Variants in THBS4 observed in about 807,000 individuals in gnomAD.
The protein encoded by THBS4 is thrombospondin 4.
In THBS4, 90 loss-of-function variants were observed where a neutral mutation model predicts 115.7. The observed-to-expected ratio is 0.78, with a 90% CI of 0.66 to 0.93. THBS4 has a LOEUF of 0.93. Ranked by LOEUF, THBS4 falls within the 40% of genes least tolerant of loss-of-function variation. THBS4 has a pLI of 0.00. For synonymous variants in THBS4, 460 were observed against 479.3 expected (o/e 0.96, Z 0.53); for missense variants, 1,087 against 1,232.7 (o/e 0.88, Z 1.77).
chr5:79,999,227 T>A (rs1831852922), intron 2 of THBS4, among the ~76,000 whole-genome samples: 1 of 152,240 alleles, frequency 6.6e-6, no homozygotes. Flanking sequence ...AATTAAGGGC[T>A]ATGGCATAAT....
chr5:80,040,192 T>C lies in THBS4; in HGVS notation c.204T>C (p.Thr68=). The change falls in exon 2 of 22, where the codon ACT becomes ACC. Residue 68 remains threonine (T), a synonymous_variant. Transcript: ENST00000350881. The part of the protein sequence containing the change: ...LYVISTFKLQ[T]KSSATIFGLY... The stretch of plus-strand genomic sequence containing the variant: ...TGATTTCCACCTTCAAGCTGCAGAC[T>C]AAAAGTTCAGCCACCATCTTCGGTC... 6.2e-7 allele frequency: 1 copy of C among 1,614,182 alleles called. No homozygotes were observed. The highest frequency in any genetic ancestry group is 8.5e-7 in the Non-Finnish European group (1 of 1,180,028).
At chr5:80,082,180 C>A (rs1250291976) in intron 20 of THBS4, 6 of 441,812 alleles carry the variant, frequency 1.4e-5, no homozygotes, top group Non-Finnish European at 2.4e-5. Flanking sequence ...CCCCCCACCC[C>A]CCTCCACACA....
Position 80,059,471 on chromosome 5 carries a change from T to A in THBS4, c.764T>A (p.Ile255Lys), listed in dbSNP as rs542080774. The change falls in exon 6 of 22, where the codon ATA becomes AAA. Residue 255 changes from isoleucine (I) to lysine (K), a missense_variant. Around this residue, in one of 3 missense-constraint regions of THBS4, gnomAD observed 979 missense variants for 1,103.7 expected, o/e 0.89. Transcript: ENST00000350881. The stretch of plus-strand genomic sequence containing the variant: ...GAAACATCATTTTTGCGAAACACCA[T>A]AGCTGAATGCCAGGCTTGCGGTAAG... The part of the protein sequence containing the change: ...VKETSFLRNT[I>K]AECQACGPLK... 1 of 1,614,068 alleles carries A rather than the reference T, an allele frequency of 6.2e-7. No homozygotes were observed. Among genetic ancestry groups the A allele is most frequent in the East Asian group, 2.2e-5 (1 of 44,864 alleles).
intron 1 of THBS4, among the ~76,000 whole-genome samples, chr5:79,992,807 G>A (rs1831711355): frequency 6.6e-6 from 1 of 152,208 alleles, no homozygotes. Flanking sequence ...ACACAAAGGA[G>A]GGACAGTGCA....
intron 2 of THBS4, among the ~76,000 whole-genome samples, chr5:80,049,159 T>G (rs796734999): frequency 1.5e-4 from 23 of 152,370 alleles, no homozygotes; most frequent in African/African-American, 5.5e-4. Context: ...CATAATATTT[T>G]TGACTACCAG....
chr5:80,047,259 G>A (rs1833098092), intron 2 of THBS4, among the ~76,000 whole-genome samples: 1 of 152,144 alleles, frequency 6.6e-6, no homozygotes, highest in Non-Finnish European at 1.5e-5. Context: ...ACTCTTAATT[G>A]TCCAGGCCAC....
intron 2 of THBS4, among the ~76,000 whole-genome samples, chr5:80,054,944 C>G (rs382746): frequency 0.54 from 82,560 of 152,082 alleles, 22,736 homozygotes; most frequent in African/African-American, 0.63. Flanking sequence ...CTTCCTATGT[C>G]CTTGAGCAAG....
chr5:79,993,344 C>G (rs1317669463), intron 1 of THBS4, among the ~76,000 whole-genome samples: 1 of 152,186 alleles, frequency 6.6e-6, no homozygotes, highest in Non-Finnish European at 1.5e-5. Flanking sequence ...TTAAAAAACT[C>G]TAACATAGCT....
intron 18 of THBS4, 43 bp from the exon 19 acceptor site, chr5:80,079,019 A>G (rs1260863248): frequency 1.9e-6 from 3 of 1,613,058 alleles, no homozygotes; most frequent in African/African-American, 2.7e-5. Flanking sequence ...TCCAGCTACT[A>G]GTGTGGTTTG....
chr5:80,002,286 C>T (rs1279707034), intron 2 of THBS4, among the ~76,000 whole-genome samples: 1 of 152,124 alleles, frequency 6.6e-6, no homozygotes, highest in Admixed American at 6.5e-5. Context: ...ACCTCAAGGG[C>T]ACCTCTACCA....
intron 2 of THBS4, among the ~76,000 whole-genome samples, chr5:80,000,743 T>C (rs940319070): frequency 6.6e-6 from 1 of 152,064 alleles, no homozygotes; most frequent in Non-Finnish European, 1.5e-5. Flanking sequence ...CAGAGAGGTG[T>C]ATTTCCAGTG....
intron 1 of THBS4, among the ~76,000 whole-genome samples, chr5:79,992,819 C>T (rs1831711789): frequency 6.6e-6 from 1 of 152,160 alleles, no homozygotes. Flanking sequence ...GACAGTGCAT[C>T]CTCTGTGTGA....
intron 2 of THBS4, among the ~76,000 whole-genome samples, chr5:80,026,972 C>T (rs927251157): frequency 2.6e-5 from 4 of 152,146 alleles, no homozygotes; most frequent in African/African-American, 9.7e-5. Flanking sequence ...CACTATAAAC[C>T]TCACTGGAGA....
rs543907780 is a variant in THBS4, at chr5:79,995,706, C to T, written n.82-2626C>T. ...GCATTGAAAATGAGAGACATGCTCT[C>T]TTTCTGACACTGGAGGAAGTTTCAA... On this transcript the variant is annotated intron_variant and non_coding_transcript_variant, in intron 1 of 3. Transcript: ENST00000510218. 1.5e-4 allele frequency among the ~76,000 whole-genome samples: 23 copies of T among 152,198 alleles called. No individual in the cohort carries two copies. In the East Asian group the frequency reaches 4.1e-3, roughly 27 times the overall value.
At chr5:80,002,045 T>C (rs1312873505) in intron 2 of THBS4, among the ~76,000 whole-genome samples, 4 of 152,170 alleles carry the variant, frequency 2.6e-5, no homozygotes, top group Non-Finnish European at 4.4e-5. Context: ...AGTATCTCTA[T>C]TTTCAATTTG....
intron 2 of THBS4, among the ~76,000 whole-genome samples, chr5:80,018,203 A>G (rs1832287372): frequency 6.6e-6 from 1 of 151,974 alleles, no homozygotes; most frequent in Admixed American, 6.6e-5. Flanking sequence ...GACTTTTTCA[A>G]AAACTCTTTC....
At chr5:80,013,990 C>A (rs1468816773) in intron 2 of THBS4, among the ~76,000 whole-genome samples, 1 of 152,170 alleles carries the variant, frequency 6.6e-6, no homozygotes, top group African/African-American at 2.4e-5. Context: ...CCAGACATAG[C>A]TTGGAGCCCA....
chr5:80,035,236 C>G (rs1832672032), upstream of THBS4: 1 of 155,648 alleles, frequency 6.4e-6, no homozygotes, highest in Non-Finnish European at 1.4e-5. This position sits in a 1 kb window ranked among gnomAD's most constrained non-coding sequence, Gnocchi z 4.6. Context: ...GCTCGCTGCT[C>G]CAGCTGCCCA....
intron 2 of THBS4, among the ~76,000 whole-genome samples, chr5:80,048,624 CTAGA>C (rs1475776052): frequency 4.1e-5 from 5 of 121,576 alleles, no homozygotes; most frequent in Non-Finnish European, 7.0e-5. Flanking sequence ...TTTCCTTTCA[CTAGA>C]TAGATGTGTG....
Sources: gnomAD v4.1 joint callset for allele counts (sites outside exome capture counted in the v4.1 genomes callset) on GRCh38, gnomAD v4.1.1 for gene constraint, gnomAD v4.1.1 regional missense constraint, Gnocchi (gnomAD v3.1) non-coding constraint, MANE v1.5 for transcripts, NCBI Gene and HGNC (gene_info 2026-07-23, HGNC 2026-07-21) for gene names.